NXN: variants seen among roughly 807,000 people sequenced by gnomAD.
The protein encoded by NXN is nucleoredoxin 1.
In NXN, 16 loss-of-function variants were observed where a neutral mutation model predicts 48.6. The observed-to-expected ratio is 0.33, with a 90% confidence interval of 0.22 to 0.50. The LOEUF is 0.50. Ranked by LOEUF, NXN falls within the 20% of genes least tolerant of loss-of-function variation. NXN has a pLI of 0.98. For synonymous variants in NXN, 281 were observed against 269.6 expected, an observed-to-expected ratio of 1.04 and a Z score of -0.41; for missense variants, 492 against 605.5, an observed-to-expected ratio of 0.81 and a Z score of 1.97.
At chr17:907,591 T>G (rs1329689597) in intron 1 of NXN, 1 of 148,012 alleles carries the variant, frequency 6.8e-6, no homozygotes, top group African/African-American at 2.5e-5. Context: ...CCTCCCGCCT[T>G]GGCCTCCCAA....
At chr17:869,911 C>T (rs570393441) in intron 1 of NXN, among the ~76,000 whole-genome samples, 29 of 152,284 alleles carry the variant, frequency 1.9e-4, no homozygotes, top group African/African-American at 6.5e-4. Flanking sequence ...CGAGAGCTCT[C>T]GTACTTAGGA....
chr17:862,594 G>T (rs866052239), intron 1 of NXN, among the ~76,000 whole-genome samples: 14 of 152,238 alleles, frequency 9.2e-5, no homozygotes, highest in African/African-American at 2.9e-4. Context: ...TGGGTAACAA[G>T]TTACTGGGAG....
intron 1 of NXN, among the ~76,000 whole-genome samples, chr17:914,480 T>C (rs940329272): frequency 6.6e-6 from 1 of 152,168 alleles, no homozygotes; most frequent in African/African-American, 2.4e-5. Context: ...AGAAGGAAGA[T>C]TCTTTTTAAG....
intron 5 of NXN, among the ~76,000 whole-genome samples, chr17:813,739 C>T (rs1483123283): frequency 6.6e-5 from 10 of 151,826 alleles, no homozygotes; most frequent in South Asian, 2.1e-4. Flanking sequence ...GAGGCCAAGG[C>T]GGGCACATCA....
chr17:852,086 G>A (rs12950217), intron 1 of NXN, among the ~76,000 whole-genome samples: 4,962 of 152,322 alleles, frequency 0.033, 215 homozygotes, highest in East Asian at 0.22. Flanking sequence ...GGAGGCAGCA[G>A]TGAGAAAAGG....
At chr17:971,865 T>C (rs1437023572) in intron 1 of NXN, among the ~76,000 whole-genome samples, 2 of 152,086 alleles carry the variant, frequency 1.3e-5, no homozygotes, top group Non-Finnish European at 2.9e-5. Context: ...ATTCAGATCA[T>C]GAAGAAAGAA....
chr17:923,398 CT>C (rs2068767368), intron 1 of NXN, among the ~76,000 whole-genome samples: 1 of 152,170 alleles, frequency 6.6e-6, no homozygotes, highest in Non-Finnish European at 1.5e-5. Context: ...TGGCACATAC[CT>C]GTAGTCCTAG....
chr17:926,949 A>G (rs1040783415), intron 1 of NXN, among the ~76,000 whole-genome samples: 1 of 152,184 alleles, frequency 6.6e-6, no homozygotes, highest in East Asian at 1.9e-4. Context: ...AAAACTGTTC[A>G]TAACAACCCT....
intron 5 of NXN, among the ~76,000 whole-genome samples, chr17:810,291 C>T (rs1414853423): frequency 4.0e-4 from 54 of 134,202 alleles, no homozygotes; most frequent in South Asian, 9.8e-4. Context: ...GAGTGGCGTG[C>T]ACGTTACGAG....
At chr17:909,098 C>CAAAAAAAAAAAA (rs59822805) in intron 1 of NXN, among the ~76,000 whole-genome samples, 6 of 117,382 alleles carry the variant, frequency 5.1e-5, no homozygotes, top group African/African-American at 1.7e-4. Flanking sequence ...GACTTCGTCT[C>CAAAAAAAAAAAA]AAAAAAAAAA....
At chr17:898,291 G>C (rs557663155) in intron 1 of NXN, among the ~76,000 whole-genome samples, 96 of 152,190 alleles carry the variant, frequency 6.3e-4, no homozygotes, top group African/African-American at 2.2e-3. Context: ...CCCCAGTTGA[G>C]AACCACTTTC....
At chr17:829,827 T>G (rs1327051954) in intron 1 of NXN, among the ~76,000 whole-genome samples, 1 of 152,214 alleles carries the variant, frequency 6.6e-6, no homozygotes, top group East Asian at 1.9e-4. Flanking sequence ...CTGTATAGTA[T>G]TCCATGGTGT....
At chr17:829,529 G>A (rs1172102440) in intron 1 of NXN, among the ~76,000 whole-genome samples, 1 of 148,634 alleles carries the variant, frequency 6.7e-6, no homozygotes, top group East Asian at 2.0e-4. Flanking sequence ...AGGAATACAT[G>A]TGCCATGGTA....
At chr17:810,363 G>A (rs1338084689) in intron 5 of NXN, among the ~76,000 whole-genome samples, 1 of 152,258 alleles carries the variant, frequency 6.6e-6, no homozygotes, top group Non-Finnish European at 1.5e-5. Context: ...GAGTCCGTGT[G>A]AGTTGCTGCT....
chr17:803,284 G>C (rs1326126968), intron 7 of NXN, among the ~76,000 whole-genome samples: 1 of 152,218 alleles, frequency 6.6e-6, no homozygotes, highest in Non-Finnish European at 1.5e-5. Flanking sequence ...GCCCCAGCCA[G>C]GATCCCTCTG....
intron 1 of NXN, among the ~76,000 whole-genome samples, chr17:844,648 G>A (rs1003157117): frequency 1.3e-5 from 2 of 151,668 alleles, no homozygotes; most frequent in African/African-American, 2.4e-5. Context: ...GCAGTGGTGC[G>A]ATCTTGGCTC....
chr17:926,534 G>GTT (rs60470915), intron 1 of NXN, among the ~76,000 whole-genome samples: 2,451 of 141,488 alleles, frequency 0.017, 29 homozygotes, highest in African/African-American at 0.026. Context: ...CATGTTTTTT[G>GTT]TTTTTTTTTT....
At chr17:918,850 G>A (rs117371860) in intron 1 of NXN, among the ~76,000 whole-genome samples, 2,837 of 150,534 alleles carry the variant, frequency 0.019, 41 homozygotes, top group Non-Finnish European at 0.028. Flanking sequence ...GTGAATTTAA[G>A]GACTCAGAAA....
chr17:886,995 C>A (rs1014449109), intron 1 of NXN, among the ~76,000 whole-genome samples: 5 of 151,964 alleles, frequency 3.3e-5, no homozygotes, highest in African/African-American at 9.7e-5. Flanking sequence ...ACGGCCTTAA[C>A]CTCCTGGGCT....
Sources: allele counts gnomAD v4.1 joint callset (sites outside exome capture counted in the v4.1 genomes callset), GRCh38; gene constraint gnomAD v4.1.1; transcripts MANE v1.5; gene names NCBI Gene and HGNC (gene_info 2026-07-23, HGNC 2026-07-21).